The following SMYD3 variants were observed in gnomAD, a reference collection of about 807,000 sequenced individuals.
SMYD3 encodes histone-lysine N-methyltransferase SMYD3.
SMYD3 carries 36 observed loss-of-function variants against 57.7 expected under a neutral mutation model. The observed-to-expected ratio is 0.62, with a 90% CI of 0.48 to 0.82. The LOEUF (loss-of-function observed/expected upper bound fraction) is 0.82. Among genes scored for constraint, SMYD3 ranks in the 40% least tolerant of loss-of-function variants. The pLI is 0.00. For synonymous variants in SMYD3, 211 were observed against 195.0 expected, an observed-to-expected ratio of 1.08 and a Z score of -0.68; for missense variants, 515 against 538.8, an observed-to-expected ratio of 0.96 and a Z score of 0.44.
intron 10 of SMYD3, among the ~76,000 whole-genome samples, chr1:245,775,376 C>A (rs1278522575): frequency 2.0e-5 from 3 of 152,230 alleles, no homozygotes; most frequent in Admixed American, 6.5e-5. Flanking sequence ...AAGAAAAATT[C>A]TTCTGCCTTG....
intron 1 of SMYD3, among the ~76,000 whole-genome samples, chr1:246,356,839 AAAAAAGAAATCT>A (rs1431756154): frequency 1.3e-5 from 2 of 152,246 alleles, no homozygotes; most frequent in Non-Finnish European, 2.9e-5. Context: ...CCCAAGACAA[AAAAAAGAAATCT>A]AAAAGTTTGG....
intron 1 of SMYD3, among the ~76,000 whole-genome samples, chr1:246,434,480 T>C (rs2067340816): frequency 6.6e-6 from 1 of 152,094 alleles, no homozygotes; most frequent in African/African-American, 2.4e-5. Flanking sequence ...CAATACAAAA[T>C]GGGCAAATAT....
At chr1:246,070,101 C>A (rs2060416955) in intron 5 of SMYD3, among the ~76,000 whole-genome samples, 1 of 152,098 alleles carries the variant, frequency 6.6e-6, no homozygotes, top group Non-Finnish European at 1.5e-5. Context: ...GTGAGAGGCA[C>A]AGGAACTTAG....
chr1:246,429,516 G>T (rs1258529537), intron 1 of SMYD3, among the ~76,000 whole-genome samples: 1 of 152,186 alleles, frequency 6.6e-6, no homozygotes, highest in Non-Finnish European at 1.5e-5. Context: ...AGCTGGAGTT[G>T]TAAAAATCCA....
At chr1:246,482,991 T>G (rs1187651323) in intron 1 of SMYD3, among the ~76,000 whole-genome samples, 1 of 152,212 alleles carries the variant, frequency 6.6e-6, no homozygotes, top group Non-Finnish European at 1.5e-5. Flanking sequence ...TTCTTCTGAC[T>G]TAGACCATAT....
chr1:245,938,035 A>G (rs1572739553), intron 5 of SMYD3, among the ~76,000 whole-genome samples: 1 of 152,262 alleles, frequency 6.6e-6, no homozygotes, highest in Non-Finnish European at 1.5e-5. Context: ...AAGACTGCAC[A>G]CTAATCAACT....
chr1:246,375,216 C>T (rs1415067237), intron 1 of SMYD3, among the ~76,000 whole-genome samples: 1 of 151,578 alleles, frequency 6.6e-6, no homozygotes, highest in Non-Finnish European at 1.5e-5. Context: ...TCCTGTATAT[C>T]TACTAGGAGG....
intron 1 of SMYD3, among the ~76,000 whole-genome samples, chr1:246,483,985 C>T (rs1256395406): frequency 6.6e-6 from 1 of 150,656 alleles, no homozygotes; most frequent in South Asian, 2.1e-4. Context: ...ACTAGTTACA[C>T]CTAAAAACAC....
At chr1:245,799,423 C>T (rs1419802954) in intron 10 of SMYD3, among the ~76,000 whole-genome samples, 1 of 20,190 alleles carries the variant, frequency 5.0e-5, no homozygotes, top group East Asian at 1.9e-3. Context: ...ACAGCCAATC[C>T]ACCACAATCA....
intron 5 of SMYD3, among the ~76,000 whole-genome samples, chr1:246,114,359 C>A (rs1252939677): frequency 6.6e-6 from 1 of 152,172 alleles, no homozygotes; most frequent in Admixed American, 6.5e-5. Context: ...GGTGTGGAGT[C>A]CTGACAAGGT....
intron 8 of SMYD3, among the ~76,000 whole-genome samples, chr1:245,884,627 C>G (rs146220597): frequency 6.6e-6 from 1 of 152,232 alleles, no homozygotes; most frequent in African/African-American, 2.4e-5. Flanking sequence ...ACGTGATTGA[C>G]AAAAGGGAAG....
Position 246,020,747 on chromosome 1 carries a change from G to A in SMYD3, c.532-90810C>T, listed in dbSNP as rs57459923. Among the ~76,000 whole-genome samples the A allele has an allele frequency of 2.1e-3, 320 of 152,254 alleles. 4 individuals are homozygous for A. Among genetic ancestry groups the A allele is most frequent in the African/African-American group, 7.3e-3 (302 of 41,548 alleles). On this transcript the variant is annotated intron_variant, in intron 5 of 11. Coordinates refer to ENST00000490107, the MANE Select transcript of SMYD3 (RefSeq NM_001167740.2). ...GCATTTTATAGATAAGAAAACTGAA[G>A]CCCAGGAGTGTGAATAGGTTTTTCT... is the stretch of plus-strand genomic sequence containing the variant.
intron 5 of SMYD3, among the ~76,000 whole-genome samples, chr1:246,257,143 T>C (rs1462657049): frequency 6.6e-6 from 1 of 152,204 alleles, no homozygotes; most frequent in African/African-American, 2.4e-5. Flanking sequence ...CTGTGGTTGA[T>C]GAGTGAAGTG....
At chr1:246,449,128 G>T (rs533236603) in intron 1 of SMYD3, among the ~76,000 whole-genome samples, 1 of 152,188 alleles carries the variant, frequency 6.6e-6, no homozygotes, top group South Asian at 2.1e-4. Context: ...TACTCAGGGG[G>T]GACTGAGATG....
Position 245,971,673 on chromosome 1 carries a change from C to T in SMYD3, c.532-41736G>A, listed in dbSNP as rs147600523. Among the ~76,000 whole-genome samples the T allele has an allele frequency of 4.1e-3, 626 of 152,268 alleles. 3 individuals are homozygous for T. Among genetic ancestry groups the T allele is most frequent in the African/African-American group, 0.014 (568 of 41,558 alleles). Reference sequence around the variant, plus strand: ...GGGACTCTACCTTTTATCTCTAAATCTCTGGAGCCTACCTTGGTGCCTGGT... The same window carrying T: ...GGGACTCTACCTTTTATCTCTAAATTTCTGGAGCCTACCTTGGTGCCTGGT... On this transcript the variant is annotated intron_variant, in intron 5 of 11. Coordinates refer to ENST00000490107, the MANE Select transcript of SMYD3 (RefSeq NM_001167740.2).
intron 5 of SMYD3, among the ~76,000 whole-genome samples, chr1:246,268,049 T>G (rs1168040463): frequency 6.6e-6 from 1 of 152,178 alleles, no homozygotes; most frequent in Non-Finnish European, 1.5e-5. Context: ...GGGAATTGTA[T>G]TGTCAGAGGC....
At chr1:246,400,438 G>A (rs1259247371) in intron 1 of SMYD3, among the ~76,000 whole-genome samples, 4 of 152,046 alleles carry the variant, frequency 2.6e-5, no homozygotes, top group Admixed American at 2.6e-4. Context: ...GTCTTGTTAG[G>A]TTGCCCAGGC....
chr1:246,034,065 G>GAAA (rs2059726990), intron 5 of SMYD3, among the ~76,000 whole-genome samples: 1 of 152,100 alleles, frequency 6.6e-6, no homozygotes, highest in Non-Finnish European at 1.5e-5. Flanking sequence ...AAATTATTAC[G>GAAA]TATATGAAAA....
intron 5 of SMYD3, among the ~76,000 whole-genome samples, chr1:246,253,402 G>C (rs6679225): frequency 0.15 from 23,250 of 152,166 alleles, 2,364 homozygotes; most frequent in East Asian, 0.34. Context: ...AATTCACTTA[G>C]AATAATGACC....
Sources: allele counts gnomAD v4.1 joint callset (sites outside exome capture counted in the v4.1 genomes callset), GRCh38; gene constraint gnomAD v4.1.1; transcripts MANE v1.5; gene names NCBI Gene and HGNC (gene_info 2026-07-23, HGNC 2026-07-21).